DNAI4: variants seen among roughly 807,000 people sequenced by gnomAD.
DNAI4 encodes dynein axonemal intermediate chain 4, also known as WD repeat domain 78.
DNAI4 carries 85 observed loss-of-function variants against 105.8 expected under a neutral mutation model. The ratio of observed to expected loss-of-function variants is 0.80; its 90% confidence interval spans 0.67 to 0.96. DNAI4 has a LOEUF of 0.96. Ranked by LOEUF, DNAI4 falls within the 40% of genes least tolerant of loss-of-function variation. DNAI4 has a pLI of 0.00. For missense variants in DNAI4, 1,014 were observed against 1,005.6 expected (o/e 1.01, Z -0.11); for synonymous variants, 352 against 331.5 (o/e 1.06, Z -0.67).
intron 13 of DNAI4, among the ~76,000 whole-genome samples, chr1:66,832,374 G>A (rs577624012): frequency 6.6e-6 from 1 of 152,248 alleles, no homozygotes; most frequent in Admixed American, 6.5e-5. Flanking sequence ...GTAGATGATG[G>A]TGTCACCAAA....
At chr1:66,860,699 G>A (rs1646607206) in intron 7 of DNAI4, 1 of 151,864 alleles carries the variant, frequency 6.6e-6, no homozygotes, top group South Asian at 2.1e-4. Flanking sequence ...ATTTTTTGTG[G>A]GGGACTTTGC....
intron 1 of DNAI4, among the ~76,000 whole-genome samples, chr1:66,921,767 T>C (rs1159610950): frequency 6.6e-6 from 1 of 152,192 alleles, no homozygotes; most frequent in East Asian, 1.9e-4. Context: ...CAGCAAATAT[T>C]TATTCAGCAC....
rs1557908128 is a variant in DNAI4, at chr1:66,836,192, GAAAGAAAGAA to G, written c.1582-425_1582-416del. On this transcript the variant is annotated intron_variant, in intron 10 of 16. Transcript: ENST00000371026. Reference sequence around the variant, plus strand: ...AGAAAGAAAGAAAGAAAGAAAGAAAGAAAGAAAGAAAGAAAGAGAGAGAGAGAGAGAGAGA... The same window carrying G: ...AGAAAGAAAGAAAGAAAGAAAGAAAGAGAAAGAGAGAGAGAGAGAGAGAGA... 1.0e-3 allele frequency among the ~76,000 whole-genome samples: 63 copies of G among 63,030 alleles called. 1 individual carries two copies. Among genetic ancestry groups the G allele is most frequent in the Non-Finnish European group, 1.9e-3 (53 of 27,498 alleles). 41.4% of individuals were successfully genotyped at this position (63,030 alleles called of 152,430 possible). A position where few individuals can be genotyped will look rare whatever the true frequency, so the allele number is the denominator to read the frequency against.
At chr1:66,847,823 A>G in intron 7 of DNAI4, 145 bp from the exon 8 acceptor site, 1 of 650,064 alleles carries the variant, frequency 1.5e-6, no homozygotes, top group Non-Finnish European at 2.6e-6. Flanking sequence ...TGAATATCTT[A>G]CGTACCAAGC....
At chr1:66,873,161 TCTC>T (rs1646884640) in intron 5 of DNAI4, among the ~76,000 whole-genome samples, 2 of 151,808 alleles carry the variant, frequency 1.3e-5, no homozygotes, top group African/African-American at 4.8e-5. Flanking sequence ...TTCTTCTCCT[TCTC>T]CTTCTCCCTT....
At chr1:66,923,329 A>G (rs1386146859) in intron 1 of DNAI4, among the ~76,000 whole-genome samples, 1 of 152,234 alleles carries the variant, frequency 6.6e-6, no homozygotes, top group Non-Finnish European at 1.5e-5. Flanking sequence ...TAGCCCATAC[A>G]TCTACGTTTG....
intron 1 of DNAI4, among the ~76,000 whole-genome samples, chr1:66,913,525 G>A (rs1057512519): frequency 6.6e-6 from 1 of 152,166 alleles, no homozygotes; most frequent in Non-Finnish European, 1.5e-5. Context: ...GGTACCCTGG[G>A]ACCTCGTGGA....
At chr1:66,912,409 T>C (rs901867277) in intron 1 of DNAI4, among the ~76,000 whole-genome samples, 2 of 151,278 alleles carry the variant, frequency 1.3e-5, no homozygotes, top group Non-Finnish European at 2.9e-5. Flanking sequence ...GTAGAGGCTA[T>C]AGTGAGCCAA....
At position 66,847,798 on chromosome 1, in the gene DNAI4, T is replaced by G. The variant is rs1465488801; in HGVS notation, c.1097-120A>C. 6 of 774,726 alleles carry G rather than the reference T, an allele frequency of 7.7e-6. No individual in the cohort carries two copies. In the African/African-American group the frequency reaches 8.8e-5, roughly 11 times the overall value. The allele number at this position is 774,726 out of a possible 1,614,324, so 48.0% of individuals were successfully genotyped here. A position where few individuals can be genotyped will look rare whatever the true frequency, so the allele number is the denominator to read the frequency against. On this transcript the variant is annotated intron_variant, in intron 7 of 16. Coordinates refer to ENST00000371026, the MANE Select transcript of DNAI4 (RefSeq NM_024763.5). ...TATTTTCCTCCAGTTTCCAACAACT[T>G]TAATAGACATTTATTGAATATCTTA...
At position 66,833,622 on chromosome 1, in the gene DNAI4, C is replaced by T. The variant is rs199651675; in HGVS notation, c.1976G>A (p.Arg659Gln). 1.5e-5 allele frequency: 24 copies of T among 1,613,206 alleles called. No individual in the cohort carries two copies. The highest frequency in any genetic ancestry group is 4.0e-5 in the African/African-American group (3 of 74,880). The change falls in exon 13 of 17, where the codon CGA (arginine) becomes CAA (glutamine). Residue 659 changes from arginine to glutamine, a missense_variant. By Grantham distance (43) the Arg-to-Gln change is conservative (BLOSUM62 1). Transcript: ENST00000371026. Reference protein sequence around the residue: ...KEKKDEALISRQAPGMCFAFH... With the variant: ...KEKKDEALISQQAPGMCFAFH... ...AGCAAAACACATTCCAGGAGCCTGT[C>T]GAGATATCAAAGCTTCATCTTTCTT...
intron 7 of DNAI4, among the ~76,000 whole-genome samples, chr1:66,857,074 G>A (rs1486956578): frequency 6.6e-6 from 1 of 151,854 alleles, no homozygotes; most frequent in Non-Finnish European, 1.5e-5. Flanking sequence ...ATAATTTTTA[G>A]CCAGGCTAAC....
intron 1 of DNAI4, among the ~76,000 whole-genome samples, chr1:66,924,379 C>T (rs192301756): frequency 7.2e-5 from 11 of 152,302 alleles, no homozygotes; most frequent in Admixed American, 4.6e-4. Flanking sequence ...ACCATGTTGG[C>T]CAGCCTGGAC....
intron 1 of DNAI4, among the ~76,000 whole-genome samples, chr1:66,921,804 G>A (rs147931338): frequency 1.3e-5 from 2 of 151,988 alleles, no homozygotes; most frequent in Non-Finnish European, 2.9e-5. Context: ...AATGGATACA[G>A]TAGTGAACAA....
At chr1:66,856,180 C>T (rs1646496145) in intron 7 of DNAI4, among the ~76,000 whole-genome samples, 1 of 150,820 alleles carries the variant, frequency 6.6e-6, no homozygotes, top group Admixed American at 6.6e-5. Flanking sequence ...ATCTAAATAA[C>T]ACTTATAGGC....
At chr1:66,913,398 T>A (rs1185861479) in intron 1 of DNAI4, among the ~76,000 whole-genome samples, 1 of 152,212 alleles carries the variant, frequency 6.6e-6, no homozygotes, top group Non-Finnish European at 1.5e-5. Context: ...ATTCGGTTTG[T>A]CTGTGTGCAT....
chr1:66,886,973 A>C (rs915264543), intron 4 of DNAI4, among the ~76,000 whole-genome samples: 5 of 152,002 alleles, frequency 3.3e-5, no homozygotes, highest in Admixed American at 3.3e-4. Flanking sequence ...TTTGTTAGAA[A>C]AAAAGGGGAA....
chr1:66,882,823 C>T (rs1456267186), intron 4 of DNAI4, among the ~76,000 whole-genome samples: 2 of 151,712 alleles, frequency 1.3e-5, no homozygotes, highest in East Asian at 1.9e-4. Flanking sequence ...CTGATATCTA[C>T]AAAAAAGATT....
At chr1:66,875,014 T>A in intron 4 of DNAI4, 77 bp from the exon 5 acceptor site, 2 of 1,296,962 alleles carry the variant, frequency 1.5e-6, no homozygotes, top group Non-Finnish European at 2.1e-6. Flanking sequence ...GTCACCAATA[T>A]ACCATAATGG....
chr1:66,856,024 T>C (rs927648121), intron 7 of DNAI4, among the ~76,000 whole-genome samples: 4 of 151,506 alleles, frequency 2.6e-5, no homozygotes, highest in Non-Finnish European at 4.4e-5. Context: ...TTAGTAGAGA[T>C]GGGGTTTTGC....
Sources: gnomAD v4.1 joint callset for allele counts (sites outside exome capture counted in the v4.1 genomes callset) on GRCh38, gnomAD v4.1.1 for gene constraint, MANE v1.5 for transcripts, NCBI Gene and HGNC (gene_info 2026-07-23, HGNC 2026-07-21) for gene names.